CDC42SE2: variants seen among roughly 807,000 people sequenced by gnomAD.
CDC42SE2 encodes CDC42 small effector protein 2.
Under a neutral mutation model 11.5 loss-of-function variants are expected in CDC42SE2, and 3 were observed. The ratio of observed to expected loss-of-function variants is 0.26; its 90% CI spans 0.12 to 0.67. The LOEUF is 0.67. Among genes scored for constraint, CDC42SE2 ranks in the 30% least tolerant of loss-of-function variants. CDC42SE2 has a pLI of 0.80. For synonymous variants in CDC42SE2, 33 were observed against 34.8 expected (o/e 0.95, Z 0.18); for missense variants, 82 against 106.8 (o/e 0.77, Z 1.02).
At position 131,366,925 on chromosome 5, in the gene CDC42SE2, G is replaced by A. The variant is rs183844815; in HGVS notation, c.54+7378G>A. Among the ~76,000 whole-genome samples, 330 of 152,106 alleles carry A rather than the reference G, an allele frequency of 2.2e-3. 2 individuals carry two copies. The highest frequency in any genetic ancestry group is 6.1e-3 in the African/African-American group (255 of 41,484). On this transcript the variant is annotated intron_variant, in intron 3 of 4. Coordinates refer to ENST00000505065, the MANE Select transcript of CDC42SE2 (RefSeq NM_001375635.1). ...TGCCTGTAGGCCCAGCTACTCGGGA[G>A]GCTGAGGTAGGAGGATTGCTTGAGC...
chr5:131,387,264 T>C (rs948338757), intron 4 of CDC42SE2, among the ~76,000 whole-genome samples: 1 of 152,130 alleles, frequency 6.6e-6, no homozygotes, highest in African/African-American at 2.4e-5. Flanking sequence ...AATCCAACTA[T>C]AAGGCCAGGC....
the CDC42SE2 span, among the ~76,000 whole-genome samples, chr5:131,221,710 C>G: frequency 6.6e-6 from 1 of 152,108 alleles, no homozygotes; most frequent in Non-Finnish European, 1.5e-5. Context: ...TCATGCCTAA[C>G]AGAGTATCTG....
At chr5:131,248,457 A>G (rs1177141522) in intron 1 of CDC42SE2, among the ~76,000 whole-genome samples, 1 of 152,132 alleles carries the variant, frequency 6.6e-6, no homozygotes, top group African/African-American at 2.4e-5. Flanking sequence ...CTTTTAAAAC[A>G]GGAATGAGAT....
intron 1 of CDC42SE2, among the ~76,000 whole-genome samples, chr5:131,309,783 G>A (rs1412362691): frequency 4.9e-5 from 7 of 144,302 alleles, no homozygotes; most frequent in African/African-American, 1.2e-4. Context: ...CTGTGGGATC[G>A]GTGGTGATAT....
At chr5:131,356,208 G>A (rs1223671521) in intron 2 of CDC42SE2, among the ~76,000 whole-genome samples, 1 of 152,110 alleles carries the variant, frequency 6.6e-6, no homozygotes, top group East Asian at 1.9e-4. Context: ...TTTATATGTT[G>A]ATGTTATTGT....
chr5:131,368,035 C>T (rs926044265), intron 3 of CDC42SE2, among the ~76,000 whole-genome samples: 3 of 152,002 alleles, frequency 2.0e-5, no homozygotes, highest in East Asian at 1.9e-4. Flanking sequence ...GGGTTGATCA[C>T]GAGGTCAGGA....
intron 1 of CDC42SE2, among the ~76,000 whole-genome samples, chr5:131,268,024 A>G (rs1304292124): frequency 4.0e-5 from 6 of 149,498 alleles, no homozygotes; most frequent in African/African-American, 9.9e-5. Flanking sequence ...CTTGAGAGGA[A>G]CTTGAGAGAA....
At chr5:131,364,596 G>A (rs1050466352) in intron 3 of CDC42SE2, among the ~76,000 whole-genome samples, 25 of 152,208 alleles carry the variant, frequency 1.6e-4, no homozygotes, top group African/African-American at 6.0e-4. Flanking sequence ...CTAGTGGTTT[G>A]ACTTACTGTA....
the CDC42SE2 span, among the ~76,000 whole-genome samples, chr5:131,220,315 C>G: frequency 1.3e-5 from 2 of 152,122 alleles, no homozygotes; most frequent in Non-Finnish European, 2.9e-5. Context: ...AAGCGATTCT[C>G]CTGCCTCAGC....
In CDC42SE2 at chr5:131,391,214, G is replaced by A. The variant is rs2149792261; in HGVS notation, c.*123G>A. Reference sequence around the variant, plus strand: ...AATTTTTTAATGGTGAACTTATTGGGAAAGGCAAAATTACTCAGCTAAGTG... The same window carrying A: ...AATTTTTTAATGGTGAACTTATTGGAAAAGGCAAAATTACTCAGCTAAGTG... On this transcript the variant is annotated 3_prime_UTR_variant, in exon 5 of 5. Transcript: ENST00000505065. The A allele has an allele frequency of 5.6e-6, 2 of 355,394 alleles. No homozygotes were observed. The highest frequency in any genetic ancestry group is 2.4e-4 in the South Asian group (2 of 8,408). The allele number at this position is 355,394 out of a possible 1,614,324, so 22.0% of individuals were successfully genotyped here.
chr5:131,221,705 C>A, the CDC42SE2 span, among the ~76,000 whole-genome samples: 1 of 152,072 alleles, frequency 6.6e-6, no homozygotes, highest in Non-Finnish European at 1.5e-5. Context: ...AAGCTTCATG[C>A]CTAACAGAGT....
At chr5:131,280,862 C>T (rs978681891) in intron 1 of CDC42SE2, among the ~76,000 whole-genome samples, 6 of 151,896 alleles carry the variant, frequency 4.0e-5, no homozygotes, top group Non-Finnish European at 5.9e-5. Context: ...ATATTGCTAC[C>T]CTTTTTATGT....
the CDC42SE2 span, among the ~76,000 whole-genome samples, chr5:131,211,316 A>G: frequency 1.3e-5 from 2 of 152,178 alleles, no homozygotes; most frequent in African/African-American, 2.4e-5. Flanking sequence ...ATCTCATTTA[A>G]TTTTATTTTT....
At chr5:131,230,123 G>T in the CDC42SE2 span, among the ~76,000 whole-genome samples, 11 of 152,100 alleles carry the variant, frequency 7.2e-5, no homozygotes, top group African/African-American at 1.7e-4. Context: ...GCACTAGAAG[G>T]TTGCTGAGCA....
At chr5:131,267,323 C>T (rs888829615) in intron 1 of CDC42SE2, among the ~76,000 whole-genome samples, 17 of 151,854 alleles carry the variant, frequency 1.1e-4, no homozygotes, top group Middle Eastern at 3.2e-3. Context: ...TCCCAAAGTG[C>T]TGGGATTACA....
chr5:131,332,425 C>T (rs1387228874), intron 2 of CDC42SE2, among the ~76,000 whole-genome samples: 3 of 152,192 alleles, frequency 2.0e-5, no homozygotes, highest in African/African-American at 4.8e-5. Context: ...CCACAATAAA[C>T]ATACATGTGC....
chr5:131,377,368 C>T (rs1283643346), intron 3 of CDC42SE2, among the ~76,000 whole-genome samples: 1 of 151,870 alleles, frequency 6.6e-6, no homozygotes, highest in Admixed American at 6.6e-5. Flanking sequence ...GGTGTTTCGC[C>T]ATGTTGCCCA....
At chr5:131,272,217 G>A (rs1310264376) in intron 1 of CDC42SE2, among the ~76,000 whole-genome samples, 2 of 151,884 alleles carry the variant, frequency 1.3e-5, no homozygotes, top group Admixed American at 6.6e-5. Context: ...GTTTCACCAC[G>A]TTGGACAGGC....
At chr5:131,279,836 G>A (rs780766094) in intron 1 of CDC42SE2, among the ~76,000 whole-genome samples, 6 of 152,218 alleles carry the variant, frequency 3.9e-5, no homozygotes, top group Non-Finnish European at 5.9e-5. Context: ...CACTTTGGGA[G>A]GCTGAGGTGG....
Sources: allele counts gnomAD v4.1 joint callset (sites outside exome capture counted in the v4.1 genomes callset), GRCh38; gene constraint gnomAD v4.1.1; transcripts MANE v1.5; gene names NCBI Gene and HGNC (gene_info 2026-07-23, HGNC 2026-07-21).